KIF13A: variants seen among roughly 807,000 people sequenced by gnomAD.
The protein encoded by KIF13A is kinesin family member 13A, also known as kinesin-like protein KIF13A.
In KIF13A, 79 loss-of-function variants were observed where a neutral mutation model predicts 212.2. The ratio of observed to expected loss-of-function variants is 0.37; its 90% CI spans 0.31 to 0.45. KIF13A has a LOEUF of 0.45. Ranked by LOEUF, KIF13A falls within the 20% of genes least tolerant of loss-of-function variation. The pLI is 1.00. For synonymous variants in KIF13A, 789 were observed against 808.6 expected (o/e 0.98, Z 0.41); for missense variants, 1,901 against 2,209.0 (o/e 0.86, Z 2.79).
rs927435647 is a variant in KIF13A at position 17,951,593 on chromosome 6, A to G, written c.146+35461T>C. Among the ~76,000 whole-genome samples, 10 of 152,150 alleles carry G rather than the reference A, an allele frequency of 6.6e-5. No individual in the cohort carries two copies. The highest frequency in any genetic ancestry group is 1.3e-4 in the Non-Finnish European group (9 of 68,010). ...CTCAATACCCCCCTCAAAAAATGCC[A>G]TATCCATCGGCAGTCACTCTCCATT... On this transcript the variant is annotated intron_variant, in intron 2 of 38. Transcript: ENST00000259711. The surrounding 1 kb of genome is among the most constrained non-coding windows in gnomAD (Gnocchi z 4.9).
chr6:17,971,588 C>T lies in KIF13A; in HGVS notation c.146+15466G>A, dbSNP rs547994639. On this transcript the variant is annotated intron_variant, in intron 2 of 38. Transcript: ENST00000259711. The surrounding 1 kb of genome is among the most constrained non-coding windows in gnomAD (Gnocchi z 4.2). ...AAGTGAGCACTACTACCACACCCAGCTAATTTTTCTATTTTTTGTAGAGAT... is the reference window on the plus strand; with the variant it reads ...AAGTGAGCACTACTACCACACCCAGTTAATTTTTCTATTTTTTGTAGAGAT... 6.6e-6 allele frequency among the ~76,000 whole-genome samples: 1 copy of T among 151,938 alleles called. No homozygotes were observed. The highest frequency in any genetic ancestry group is 1.5e-5 in the Non-Finnish European group (1 of 67,996).
At position 17,934,302 on chromosome 6, in the gene KIF13A, T is replaced by C. The variant is rs564982047; in HGVS notation, c.147-36122A>G. On this transcript the variant is annotated intron_variant, in intron 2 of 38. Transcript: ENST00000259711. This position sits in a 1 kb window ranked among gnomAD's most constrained non-coding sequence, Gnocchi z 5.4. ...CCGGCTTGTAGCGTGCACTTGCAGGTAGGCAAGAAAAGAAACCTACACCAG... is the reference window on the plus strand; with the variant it reads ...CCGGCTTGTAGCGTGCACTTGCAGGCAGGCAAGAAAAGAAACCTACACCAG... 2.0e-5 allele frequency among the ~76,000 whole-genome samples: 3 copies of C among 152,096 alleles called. No individual in the cohort carries two copies. Among genetic ancestry groups the C allele is most frequent in the African/African-American group, 2.4e-5 (1 of 41,398 alleles).
intron 7 of KIF13A, among the ~76,000 whole-genome samples, chr6:17,851,185 G>A (rs1342156216): frequency 2.0e-5 from 3 of 152,144 alleles, no homozygotes; most frequent in Non-Finnish European, 2.9e-5. Context: ...TTTCAGAATC[G>A]AAACCTTTTT....
chr6:17,827,186 G>A (rs966117219), intron 14 of KIF13A, among the ~76,000 whole-genome samples: 4 of 152,104 alleles, frequency 2.6e-5, no homozygotes, highest in East Asian at 1.9e-4. Flanking sequence ...CCTCAACCTC[G>A]TGGGCTCAAG....
intron 2 of KIF13A, among the ~76,000 whole-genome samples, chr6:17,922,940 G>A (rs755102765): frequency 2.2e-4 from 34 of 151,554 alleles, no homozygotes; most frequent in East Asian, 7.8e-4. Context: ...TATGTTTTAC[G>A]TATGTTTTAT....
intron 4 of KIF13A, among the ~76,000 whole-genome samples, chr6:17,860,387 C>T (rs541607053): frequency 2.7e-4 from 41 of 152,096 alleles, no homozygotes; most frequent in African/African-American, 8.4e-4. Flanking sequence ...CAGGGTTTCA[C>T]CATGTTGGCC....
intron 2 of KIF13A, among the ~76,000 whole-genome samples, chr6:17,964,053 G>A (rs1421619385): frequency 6.6e-6 from 1 of 152,138 alleles, no homozygotes; most frequent in Non-Finnish European, 1.5e-5. Context: ...GGAGGTTCGT[G>A]GTTACAGTGA....
At chr6:17,958,420 CTAGT>C (rs1249912283) in intron 2 of KIF13A, among the ~76,000 whole-genome samples, 1 of 152,172 alleles carries the variant, frequency 6.6e-6, no homozygotes, top group African/African-American at 2.4e-5. Context: ...CTGACTATAT[CTAGT>C]TAGATACATC....
In KIF13A at chr6:17,839,792, C is replaced by T. The variant is rs371985246; in HGVS notation, c.831-2209G>A. ...AGTGATGCATCTACAAGACAGGGAA[C>T]GCCGAGGATTGATGGCCCTACAGAA... On this transcript the variant is annotated intron_variant, in intron 9 of 38. Coordinates refer to ENST00000259711, the MANE Select transcript of KIF13A (RefSeq NM_022113.6). The surrounding 1 kb of genome is among the most constrained non-coding windows in gnomAD (Gnocchi z 4.3). Among the ~76,000 whole-genome samples, 15 of 152,184 alleles carry T rather than the reference C, an allele frequency of 9.9e-5. No homozygotes were observed. The highest frequency in any genetic ancestry group is 3.4e-4 in the African/African-American group (14 of 41,520).
At chr6:17,779,563 C>T (rs202132929) in intron 32 of KIF13A, 29 bp downstream of exon 32, 25 of 1,032,160 alleles carry the variant, frequency 2.4e-5, no homozygotes, top group East Asian at 1.0e-4. Flanking sequence ...TGAGCCACTG[C>T]GCCCGGCCTA....
At chr6:17,870,119 G>A (rs1217268943) in intron 4 of KIF13A, among the ~76,000 whole-genome samples, 1 of 152,188 alleles carries the variant, frequency 6.6e-6, no homozygotes, top group African/African-American at 2.4e-5. Flanking sequence ...TGAGAGAATA[G>A]TAAGCATGAA....
intron 3 of KIF13A, among the ~76,000 whole-genome samples, chr6:17,876,273 G>C (rs555470123): frequency 1.3e-5 from 2 of 152,218 alleles, no homozygotes; most frequent in South Asian, 4.2e-4. Context: ...TGAGCATACA[G>C]AACCCATGCT....
At chr6:17,986,984 T>C (rs1581965555) in intron 2 of KIF13A, 70 bp downstream of exon 2, 2 of 1,152,580 alleles carry the variant, frequency 1.7e-6, no homozygotes, top group East Asian at 2.4e-5. Flanking sequence ...CACTCCCATT[T>C]TCCTGGCTCA....
At chr6:17,906,400 CCCCTTTCCCTTTCCCCTTCCCCCTT>C (rs1428461080) in intron 2 of KIF13A, among the ~76,000 whole-genome samples, 1 of 143,178 alleles carries the variant, frequency 7.0e-6, no homozygotes, top group African/African-American at 2.6e-5. Context: ...TCCTTTCTTC[CCCCTTTCCCTTTCCCCTTCCCCCTT>C]CCCTTTCCCT....
intron 2 of KIF13A, among the ~76,000 whole-genome samples, chr6:17,959,277 CAT>C (rs1778619713): frequency 6.6e-6 from 1 of 152,182 alleles, no homozygotes; most frequent in African/African-American, 2.4e-5. Context: ...GAGACAGCCT[CAT>C]CTATGTTATA....
intron 2 of KIF13A, among the ~76,000 whole-genome samples, chr6:17,920,015 AT>A (rs1279564187): frequency 6.6e-6 from 1 of 152,236 alleles, no homozygotes; most frequent in East Asian, 1.9e-4. Context: ...TTAGATAAAG[AT>A]TCTAGACAAT....
rs1003454588 is a variant in KIF13A, at chr6:17,789,445, T to C, written c.3261+427A>G. On this transcript the variant is annotated intron_variant, in intron 26 of 38. Coordinates refer to ENST00000259711, the MANE Select transcript of KIF13A (RefSeq NM_022113.6). The surrounding 1 kb of genome is among the most constrained non-coding windows in gnomAD (Gnocchi z 4.8). ...TGGATGTAAGGAGCAGAATGCACTT[T>C]AGCATGGGAAAGATAAGAGTCTATC... 6.6e-6 allele frequency among the ~76,000 whole-genome samples: 1 copy of C among 152,210 alleles called. No individual in the cohort carries two copies. Among genetic ancestry groups the C allele is most frequent in the East Asian group, 1.9e-4 (1 of 5,204 alleles).
Position 17,812,774 on chromosome 6 carries a change from A to G in KIF13A, c.2001-3844T>C, listed in dbSNP as rs1302238897. ...GCCGCATTGCTTTCCACAATGATTGAATTAATTTACACTCTCACCAACAGT... is the reference window on the plus strand; with the variant it reads ...GCCGCATTGCTTTCCACAATGATTGGATTAATTTACACTCTCACCAACAGT... On this transcript the variant is annotated intron_variant, in intron 17 of 38. Coordinates refer to ENST00000259711, the MANE Select transcript of KIF13A (RefSeq NM_022113.6). Among the ~76,000 whole-genome samples the G allele has an allele frequency of 2.6e-5, 4 of 152,254 alleles. No homozygotes were observed. In the South Asian group the frequency reaches 6.2e-4, roughly 24 times the overall value.
In KIF13A at chr6:17,883,713, T is replaced by C. The variant is rs1049080287; in HGVS notation, c.160-10276A>G. Among the ~76,000 whole-genome samples the C allele has an allele frequency of 2.0e-5, 3 of 152,086 alleles. No individual in the cohort carries two copies. The highest frequency in any genetic ancestry group is 4.8e-5 in the African/African-American group (2 of 41,406). The stretch of plus-strand genomic sequence containing the variant: ...AGAGATTCCACCAATGATCAAGAAA[T>C]CCTTTGGGTATATTGAACACAGTGA... On this transcript the variant is annotated intron_variant, in intron 3 of 38. Transcript: ENST00000259711. This position sits in a 1 kb window ranked among gnomAD's most constrained non-coding sequence, Gnocchi z 4.8.
Sources: allele counts gnomAD v4.1 joint callset (sites outside exome capture counted in the v4.1 genomes callset), GRCh38; gene constraint gnomAD v4.1.1; non-coding constraint Gnocchi (gnomAD v3.1); transcripts MANE v1.5; gene names NCBI Gene and HGNC (gene_info 2026-07-23, HGNC 2026-07-21).